The following ZDHHC24 variants were observed in gnomAD, a reference collection of about 807,000 sequenced individuals.
The protein encoded by ZDHHC24 is zDHHC palmitoyltransferase 24, also known as probable palmitoyltransferase ZDHHC24.
A neutral mutation model predicts 23.2 loss-of-function variants in ZDHHC24; 17 were observed. The ratio of observed to expected loss-of-function variants is 0.73; its 90% confidence interval spans 0.50 to 1.10. ZDHHC24 has a LOEUF of 1.10. ZDHHC24 is among the 50% of genes least tolerant of loss of function. The pLI is 0.00. For synonymous variants in ZDHHC24, 186 were observed against 194.5 expected (o/e 0.96, Z 0.36); for missense variants, 366 against 393.0 (o/e 0.93, Z 0.58).
In ZDHHC24 at chr11:66,524,918, G is replaced by T. The variant is rs1856417119; in HGVS notation, c.*21+2018C>A. The stretch of plus-strand genomic sequence containing the variant: ...AAAAATAAACAAATTAGCCGGGTAT[G>T]GGCCGGGCACGGTGGCTCACGTCTG... On this transcript the variant is annotated intron_variant, in intron 4 of 4. Transcript: ENST00000526986. 3.3e-5 allele frequency among the ~76,000 whole-genome samples: 5 copies of T among 152,064 alleles called. No individual in the cohort carries two copies. In the South Asian group the frequency reaches 8.3e-4, roughly 25 times the overall value.
chr11:66,526,276 A>C lies in ZDHHC24; in HGVS notation c.*21+660T>G, dbSNP rs2134810340. On this transcript the variant is annotated intron_variant, in intron 4 of 4. Coordinates refer to the ZDHHC24 transcript ENST00000526986. ...TTCTGGGGAAAGAGGAGGAGGTGGAAATGAAGCATGGGTGGACCTGGGTGT... is the reference window on the plus strand; with the variant it reads ...TTCTGGGGAAAGAGGAGGAGGTGGACATGAAGCATGGGTGGACCTGGGTGT... 5 of 1,379,530 alleles carry C rather than the reference A, an allele frequency of 3.6e-6. No homozygotes were observed. In the East Asian group the frequency reaches 1.2e-4, roughly 32 times the overall value. 85.5% of individuals were successfully genotyped at this position (1,379,530 alleles called of 1,614,324 possible).
intron 2 of ZDHHC24, among the ~76,000 whole-genome samples, chr11:66,530,325 CT>C (rs1856719425): frequency 6.6e-6 from 1 of 152,164 alleles, no homozygotes; most frequent in Admixed American, 6.5e-5. Flanking sequence ...CGTGTTAGGA[CT>C]GCTGGGTACA....
rs1349114319 is a variant in ZDHHC24 at position 66,537,644 on chromosome 11, G to C, written c.*1885C>G. ...AGGTCAGTAGATCAAGACCATCCTG[G>C]CCGGCCAGGAGTGGTGGCTCACACC... On this transcript the variant is annotated 3_prime_UTR_variant, in exon 3 of 3. Transcript: ENST00000310442. The C allele has an allele frequency of 6.7e-6, 1 of 148,226 alleles. No homozygotes were observed. Among genetic ancestry groups the C allele is most frequent in the African/African-American group, 2.5e-5 (1 of 39,728 alleles). The allele number at this position is 148,226 out of a possible 1,614,324, so 9.2% of individuals were successfully genotyped here. A position where few individuals can be genotyped will look rare whatever the true frequency, so the allele number is the denominator to read the frequency against.
At chr11:66,528,732 G>C (rs1345876477) in intron 3 of ZDHHC24, among the ~76,000 whole-genome samples, 2 of 152,112 alleles carry the variant, frequency 1.3e-5, no homozygotes, top group African/African-American at 4.8e-5. Flanking sequence ...ACTTTGGGAG[G>C]CCGAGGTGGG....
intron 3 of ZDHHC24, among the ~76,000 whole-genome samples, chr11:66,527,288 A>G (rs1350705788): frequency 2.0e-5 from 3 of 150,766 alleles, no homozygotes; most frequent in Non-Finnish European, 4.5e-5. Flanking sequence ...CTGCCCGTTT[A>G]TTTGTTCATT....
At chr11:66,523,760 A>G (rs1856357095) in intron 4 of ZDHHC24, 1 of 1,612,824 alleles carries the variant, frequency 6.2e-7, no homozygotes, top group East Asian at 2.2e-5. Context: ...GCCCGCAGCC[A>G]TCCTGACCAT....
At chr11:66,529,028 AATTAATTCTGG>A (rs541663415) in intron 3 of ZDHHC24, 1 of 972,030 alleles carries the variant, frequency 1.0e-6, no homozygotes, top group East Asian at 1.1e-4. Context: ...CAGCCACAAA[AATTAATTCTGG>A]ATAGATTAAA....
Position 66,545,604 on chromosome 11 carries a change from T to A in ZDHHC24, c.281+119A>T, listed in dbSNP as rs78871736. The A allele has an allele frequency of 8.4e-7, 1 of 1,197,434 alleles. No individual in the cohort carries two copies. The highest frequency in any genetic ancestry group is 1.7e-5 in the South Asian group (1 of 58,292). 74.2% of individuals were successfully genotyped at this position (1,197,434 alleles called of 1,614,324 possible). ...TCTTCCATCCCAGGTTCTAAAAAAA[T>A]GTCTGATTCTAACAACCTGGATCCT... On this transcript the variant is annotated intron_variant, in intron 1 of 2. Coordinates refer to ENST00000310442, the MANE Select transcript of ZDHHC24 (RefSeq NM_207340.3). This position sits in a 1 kb window ranked among gnomAD's most constrained non-coding sequence, Gnocchi z 4.5.
chr11:66,539,614 C>T lies in ZDHHC24; in HGVS notation c.770G>A (p.Trp257Ter). ...AALGPRWALV[W>*]LWPFLASPLP... ...TGGGGAGGCCAGGAAGGGCCAGAGC[C>T]AGACGAGGGCCCAGCGGGGCCCCAG... The change falls in exon 3 of 3, where the codon TGG becomes TAG. Residue 257 changes from tryptophan (W) to a stop codon, truncating the protein, a stop_gained. Transcript: ENST00000310442. LOFTEE classifies it high-confidence loss of function. 1 of 1,613,210 alleles carries T rather than the reference C, an allele frequency of 6.2e-7. No homozygotes were observed. Among genetic ancestry groups the T allele is most frequent in the Non-Finnish European group, 8.5e-7 (1 of 1,179,726 alleles).
downstream of ZDHHC24, chr11:66,532,339 C>A: frequency 2.2e-6 from 1 of 446,338 alleles, no homozygotes; most frequent in Non-Finnish European, 4.1e-6. Context: ...AGCTCCGAAG[C>A]GGTCAAAGTG....
At chr11:66,526,213 C>A (rs1856483089) in intron 4 of ZDHHC24, 2 of 1,612,508 alleles carry the variant, frequency 1.2e-6, no homozygotes, top group Non-Finnish European at 8.5e-7. Flanking sequence ...TCAGACCTGG[C>A]AAGGGCTTTG....
chr11:66,531,085 T>A (rs1482358722), downstream of ZDHHC24: 25 of 1,607,110 alleles, frequency 1.6e-5, no homozygotes, highest in Non-Finnish European at 2.0e-5. Flanking sequence ...AGGGGCCTGA[T>A]GAGATGCCCA....
At chr11:66,529,080 A>C in intron 3 of ZDHHC24, 1 of 985,126 alleles carries the variant, frequency 1.0e-6, no homozygotes, top group Non-Finnish European at 1.2e-6. Flanking sequence ...GAGAAAAAGC[A>C]CATAAAATGT....
At chr11:66,522,654 A>T (rs1258605556) in intron 4 of ZDHHC24, among the ~76,000 whole-genome samples, 1 of 152,094 alleles carries the variant, frequency 6.6e-6, no homozygotes, top group African/African-American at 2.4e-5. Context: ...CCTAACATGC[A>T]TTTTTTTAAT....
In ZDHHC24 at chr11:66,537,738, C is replaced by G. The variant is rs892121176; in HGVS notation, c.*1791G>C. 1.3e-5 allele frequency: 2 copies of G among 151,596 alleles called. No individual in the cohort carries two copies. Among genetic ancestry groups the G allele is most frequent in the African/African-American group, 2.4e-5 (1 of 41,282 alleles). 9.4% of individuals were successfully genotyped at this position (151,596 alleles called of 1,614,324 possible). A position where few individuals can be genotyped will look rare whatever the true frequency, so the allele number is the denominator to read the frequency against. On this transcript the variant is annotated 3_prime_UTR_variant, in exon 3 of 3. Transcript: ENST00000310442. ...GGTCAGGAGATCGAGACCATCCTGGCTAACACGGTGAAACCTCGTCTCTAC... is the reference window on the plus strand; with the variant it reads ...GGTCAGGAGATCGAGACCATCCTGGGTAACACGGTGAAACCTCGTCTCTAC...
At chr11:66,530,880 C>T (rs369972079), downstream of ZDHHC24, 85 of 1,614,090 alleles carry the variant, frequency 5.3e-5, no homozygotes, top group Non-Finnish European at 6.9e-5. Flanking sequence ...TTTCTCCACC[C>T]ACCCTCTCCA....
chr11:66,539,589 T>C lies in ZDHHC24; in HGVS notation c.795A>G (p.Pro265=). The change falls in exon 3 of 3, where the codon CCA becomes CCG. Residue 265 remains proline (P), a synonymous_variant. Coordinates refer to ENST00000310442, the MANE Select transcript of ZDHHC24 (RefSeq NM_207340.3). ...LVWLWPFLAS[P]LPGDGITFQT... ...GGAAGGTGATCCCATCCCCAGGCAA[T>C]GGGGAGGCCAGGAAGGGCCAGAGCC... 1 of 1,611,360 alleles carries C rather than the reference T, an allele frequency of 6.2e-7. No individual in the cohort carries two copies. The highest frequency in any genetic ancestry group is 8.5e-7 in the Non-Finnish European group (1 of 1,178,754).
At chr11:66,530,802 G>A, downstream of ZDHHC24, 2 of 1,552,928 alleles carry the variant, frequency 1.3e-6, no homozygotes, top group South Asian at 1.1e-5. Flanking sequence ...GAGGGGACAT[G>A]AGGGCATTGG....
Position 66,539,369 on chromosome 11 carries a change from C to T in ZDHHC24, c.*160G>A, listed in dbSNP as rs1857076174. 15 of 1,357,146 alleles carry T rather than the reference C, an allele frequency of 1.1e-5. No individual in the cohort carries two copies. The highest frequency in any genetic ancestry group is 1.3e-5 in the Non-Finnish European group (14 of 1,058,168). 84.1% of individuals were successfully genotyped at this position (1,357,146 alleles called of 1,614,324 possible). On this transcript the variant is annotated 3_prime_UTR_variant, in exon 3 of 3. Transcript: ENST00000310442. ...CTCTGCCTAAGTCACGGCCCAAGCC[C>T]TGGACACGTAGGAGTGTAGGCGGGC...
Sources: allele counts gnomAD v4.1 joint callset (sites outside exome capture counted in the v4.1 genomes callset), GRCh38; gene constraint gnomAD v4.1.1; non-coding constraint Gnocchi (gnomAD v3.1); transcripts MANE v1.5; gene names NCBI Gene and HGNC (gene_info 2026-07-23, HGNC 2026-07-21).